Variants in DLGAP2 observed in about 807,000 individuals in gnomAD.
DLGAP2 encodes the protein disks large-associated protein 2.
DLGAP2 carries 26 observed loss-of-function variants against 100.3 expected under a neutral mutation model. That is an observed-to-expected ratio of 0.26 (90% CI 0.19 to 0.36). DLGAP2 has a LOEUF of 0.36. DLGAP2 is among the 10% of genes least tolerant of loss of function. The pLI, the probability that DLGAP2 is intolerant of heterozygous loss-of-function variation, is 1.00. For synonymous variants in DLGAP2, 886 were observed against 630.1 expected, an observed-to-expected ratio of 1.41 and a Z score of -6.08; for missense variants, 1,858 against 1,453.2, an observed-to-expected ratio of 1.28 and a Z score of -4.53.
At position 786,116 on chromosome 8, in the gene DLGAP2, C is replaced by G. The variant is rs977017390; in HGVS notation, c.18+48291C>G. Among the ~76,000 whole-genome samples the G allele has an allele frequency of 4.7e-4, 72 of 152,242 alleles. 1 individual carries two copies. The highest frequency in any genetic ancestry group is 4.6e-4 in the Admixed American group (7 of 15,284). ...AAGCCCCTTTGCGAAACACCCATGC[C>G]TGAGCTTAGCTCAGCTGGGCCGGCG... On this transcript the variant is annotated intron_variant, in intron 1 of 14. Coordinates refer to ENST00000637795, the MANE Select transcript of DLGAP2 (RefSeq NM_001346810.2).
chr8:1,290,744 A>C lies in DLGAP2; in HGVS notation c.106+31861A>C, dbSNP rs1800039089. ...TACATTCCAGACAGTATGTAGTTAA[A>C]ATGCTAAAATGCTGCGTGCACAAAG... On this transcript the variant is annotated intron_variant, in intron 3 of 14. Transcript: ENST00000637795. Among the ~76,000 whole-genome samples, 4 of 152,348 alleles carry C rather than the reference A, an allele frequency of 2.6e-5. No individual in the cohort carries two copies. In the South Asian group the frequency reaches 8.3e-4, roughly 32 times the overall value.
chr8:1,011,952 C>T (rs1038104625), intron 2 of DLGAP2, among the ~76,000 whole-genome samples: 15 of 152,178 alleles, frequency 9.9e-5, no homozygotes, highest in African/African-American at 2.2e-4. Context: ...GGCGTGTAGA[C>T]GGATGTCTCG....
At position 810,636 on chromosome 8, in the gene DLGAP2, T is replaced by G. The variant is rs551750546; in HGVS notation, c.18+72811T>G. ...TCTGTTGCCATTTTTAACATAATAA[T>G]CAACTATAAAAAGGTGTAATTGAGT... is the stretch of plus-strand genomic sequence containing the variant. On this transcript the variant is annotated intron_variant, in intron 1 of 14. Transcript: ENST00000637795. Among the ~76,000 whole-genome samples, 6 of 152,346 alleles carry G rather than the reference T, an allele frequency of 3.9e-5. No individual in the cohort carries two copies. The East Asian group carries it at 1.2e-3, about 29-fold the overall frequency.
intron 12 of DLGAP2, among the ~76,000 whole-genome samples, chr8:1,686,385 C>G (rs1399818833): frequency 6.6e-6 from 1 of 152,184 alleles, no homozygotes; most frequent in African/African-American, 2.4e-5. Context: ...ATGTAGAGCT[C>G]AGGCGGGCGC....
Position 1,548,948 on chromosome 8 carries a change from C to G in DLGAP2, c.495C>G (p.His165Gln). 2 of 1,598,922 alleles carry G rather than the reference C, an allele frequency of 1.3e-6. No individual in the cohort carries two copies. The highest frequency in any genetic ancestry group is 1.7e-6 in the Non-Finnish European group (2 of 1,179,444). Residue 165 changes from histidine to glutamine, a missense_variant, in exon 5 of 15, where the codon CAC becomes CAG. Physicochemically the swap from His to Gln is conservative, Grantham distance 24. Transcript: ENST00000637795. ...CCAGCAGCACCTTCCCGCGGATGCA[C>G]TACAGCTCGCACTACGACACGCGCG... ...HVSSSTFPRM[H>Q]YSSHYDTRDD... is the part of the protein sequence containing the mutation.
intron 3 of DLGAP2, among the ~76,000 whole-genome samples, chr8:1,418,793 C>G (rs984256183): frequency 2.0e-5 from 3 of 152,232 alleles, no homozygotes; most frequent in Non-Finnish European, 4.4e-5. Flanking sequence ...ACCTGCACTT[C>G]CCTCAGACCC....
At chr8:1,594,670 C>T (rs1404244898) in intron 6 of DLGAP2, among the ~76,000 whole-genome samples, 1 of 152,146 alleles carries the variant, frequency 6.6e-6, no homozygotes, top group Non-Finnish European at 1.5e-5. Context: ...GTGATCTGCC[C>T]ACCTCGGCCT....
At chr8:1,456,990 G>A (rs1563160821) in intron 3 of DLGAP2, among the ~76,000 whole-genome samples, 1 of 152,252 alleles carries the variant, frequency 6.6e-6, no homozygotes, top group African/African-American at 2.4e-5. Context: ...CCTGCAATTA[G>A]CCTTTCCCGA....
At chr8:1,341,718 G>A (rs1801422506) in intron 3 of DLGAP2, among the ~76,000 whole-genome samples, 1 of 152,176 alleles carries the variant, frequency 6.6e-6, no homozygotes, top group South Asian at 2.1e-4. Flanking sequence ...TCCCATCACT[G>A]CCCGCCCTTT....
intron 7 of DLGAP2, among the ~76,000 whole-genome samples, chr8:1,627,822 C>T (rs527418935): frequency 6.6e-5 from 10 of 151,512 alleles, no homozygotes; most frequent in African/African-American, 2.4e-4. Context: ...CTCTGACTTA[C>T]TGTGGAGCAG....
At chr8:1,473,667 C>A (rs1798859361) in intron 3 of DLGAP2, among the ~76,000 whole-genome samples, 1 of 152,100 alleles carries the variant, frequency 6.6e-6, no homozygotes. Flanking sequence ...ACCCAAATCT[C>A]ATTGTGAATG....
intron 1 of DLGAP2, among the ~76,000 whole-genome samples, chr8:843,201 G>A (rs1797013765): frequency 6.6e-6 from 1 of 152,212 alleles, no homozygotes. Context: ...GAGCTTTTCC[G>A]ACTTCCTAGA....
chr8:1,585,859 C>A (rs7006153), intron 6 of DLGAP2, among the ~76,000 whole-genome samples: 71,199 of 152,040 alleles, frequency 0.47, 16,686 homozygotes, highest in East Asian at 0.52. Flanking sequence ...AGTGGAGTGT[C>A]ACTCTGTCTC....
At chr8:1,260,055 AG>A (rs1799314592) in intron 3 of DLGAP2, among the ~76,000 whole-genome samples, 1 of 152,070 alleles carries the variant, frequency 6.6e-6, no homozygotes, top group Non-Finnish European at 1.5e-5. Flanking sequence ...TTTTACAGTC[AG>A]GTGGGTGGGG....
At chr8:1,020,153 C>A (rs575869832) in intron 2 of DLGAP2, among the ~76,000 whole-genome samples, 1 of 152,272 alleles carries the variant, frequency 6.6e-6, no homozygotes, top group Non-Finnish European at 1.5e-5. Flanking sequence ...AGTGGCCTGA[C>A]TTTTATTGAT....
At chr8:1,379,370 G>A (rs1047512810) in intron 3 of DLGAP2, among the ~76,000 whole-genome samples, 1 of 152,236 alleles carries the variant, frequency 6.6e-6, no homozygotes, top group Admixed American at 6.5e-5. Context: ...GCCCCACACG[G>A]CACGTACGCC....
intron 2 of DLGAP2, among the ~76,000 whole-genome samples, chr8:1,201,817 C>T (rs1017824767): frequency 6.6e-5 from 10 of 152,088 alleles, no homozygotes; most frequent in East Asian, 1.9e-4. Context: ...TACGTGTGTG[C>T]GGTGTAGGTG....
intron 4 of DLGAP2, among the ~76,000 whole-genome samples, chr8:1,526,671 G>T (rs571966797): frequency 6.6e-6 from 1 of 152,316 alleles, no homozygotes; most frequent in Non-Finnish European, 1.5e-5. Context: ...TTATTGGGTT[G>T]ACTTTAAGTC....
At position 898,134 on chromosome 8, in the gene DLGAP2, G is replaced by A. The variant is rs181986203; in HGVS notation, c.19-9778G>A. Among the ~76,000 whole-genome samples, 1,086 of 152,320 alleles carry A rather than the reference G, an allele frequency of 7.1e-3. 19 individuals carry two copies. The highest frequency in any genetic ancestry group is 0.025 in the African/African-American group (1,020 of 41,562). ...TACCCGTACAAGTGGGCAGTAAACC[G>A]TACAGCAGGAAAGCGCTCAGTCAGC... On this transcript the variant is annotated intron_variant, in intron 1 of 14. Coordinates refer to ENST00000637795, the MANE Select transcript of DLGAP2 (RefSeq NM_001346810.2).
Sources: gnomAD v4.1 joint callset for allele counts (sites outside exome capture counted in the v4.1 genomes callset) on GRCh38, gnomAD v4.1.1 for gene constraint, MANE v1.5 for transcripts, NCBI Gene and HGNC (gene_info 2026-07-23, HGNC 2026-07-21) for gene names.